Variants in ERBB4 observed in about 807,000 individuals in gnomAD.
ERBB4 encodes receptor tyrosine-protein kinase erbB-4.
In ERBB4, 42 loss-of-function variants were observed where a neutral mutation model predicts 158.0. The ratio of observed to expected loss-of-function variants is 0.27; its 90% CI spans 0.21 to 0.34. ERBB4 has a LOEUF of 0.34. Ranked by LOEUF, ERBB4 falls within the 10% of genes least tolerant of loss-of-function variation. The pLI, the probability that ERBB4 is intolerant of heterozygous loss-of-function variation, is 1.00. For missense variants in ERBB4, 1,333 were observed against 1,624.1 expected, an observed-to-expected ratio of 0.82 and a Z score of 3.08; for synonymous variants, 583 against 558.7, an observed-to-expected ratio of 1.04 and a Z score of -0.61.
chr2:212,076,852 A>C (rs753623862), intron 2 of ERBB4, among the ~76,000 whole-genome samples: 9 of 151,908 alleles, frequency 5.9e-5, no homozygotes, highest in Non-Finnish European at 1.3e-4. Flanking sequence ...AGAGAGTAAA[A>C]ATGCAAGCCA....
chr2:211,479,011 G>A (rs7571402), intron 20 of ERBB4, among the ~76,000 whole-genome samples: 24,497 of 152,002 alleles, frequency 0.16, 2,251 homozygotes, highest in Admixed American at 0.2. Context: ...CCTCCTGTAT[G>A]TATTCCATAC....
At chr2:212,275,244 T>C (rs1012799492) in intron 1 of ERBB4, among the ~76,000 whole-genome samples, 1 of 151,982 alleles carries the variant, frequency 6.6e-6, no homozygotes, top group Non-Finnish European at 1.5e-5. Context: ...CGTGTGTATG[T>C]CTCTTTATAG....
chr2:212,447,202 T>C (rs1019242981), intron 1 of ERBB4, among the ~76,000 whole-genome samples: 3 of 151,964 alleles, frequency 2.0e-5, no homozygotes, highest in Non-Finnish European at 4.4e-5. Flanking sequence ...TTTCATTGTG[T>C]TAGCCAGGAT....
chr2:211,594,546 G>C (rs2068576132), intron 19 of ERBB4, among the ~76,000 whole-genome samples: 1 of 151,590 alleles, frequency 6.6e-6, no homozygotes, highest in African/African-American at 2.4e-5. Context: ...ATGTTTATTT[G>C]ATGCCATAGC....
At chr2:212,211,794 T>G (rs1465705012) in intron 1 of ERBB4, among the ~76,000 whole-genome samples, 1 of 152,068 alleles carries the variant, frequency 6.6e-6, no homozygotes, top group African/African-American at 2.4e-5. Flanking sequence ...GTGTTCTCAC[T>G]TATGAGTGAG....
At chr2:211,443,840 T>C (rs535894308) in intron 20 of ERBB4, among the ~76,000 whole-genome samples, 118 of 152,224 alleles carry the variant, frequency 7.8e-4, no homozygotes, top group Non-Finnish European at 1.2e-3. Context: ...AATGACTGTA[T>C]GTAAAATTCT....
intron 2 of ERBB4, among the ~76,000 whole-genome samples, chr2:211,956,109 T>A (rs1004782945): frequency 9.9e-5 from 15 of 151,950 alleles, no homozygotes; most frequent in African/African-American, 3.4e-4. Context: ...ATTTTGAAGC[T>A]TGTATTTCAA....
intron 15 of ERBB4, among the ~76,000 whole-genome samples, chr2:211,659,721 C>T (rs899947073): frequency 6.6e-6 from 1 of 151,968 alleles, no homozygotes; most frequent in Non-Finnish European, 1.5e-5. Context: ...TGTTACATGT[C>T]TACTAAGTGT....
chr2:211,736,644 G>A (rs2074611142), intron 5 of ERBB4, among the ~76,000 whole-genome samples: 1 of 152,120 alleles, frequency 6.6e-6, no homozygotes, highest in Non-Finnish European at 1.5e-5. Context: ...TAGGATTCTA[G>A]AGGATATGGA....
At chr2:211,634,116 T>G (rs1382453866) in intron 16 of ERBB4, among the ~76,000 whole-genome samples, 1 of 152,260 alleles carries the variant, frequency 6.6e-6, no homozygotes, top group Non-Finnish European at 1.5e-5. Context: ...TATTTTCTAA[T>G]TTTTTATGAT....
At chr2:211,937,676 G>A (rs146535323) in intron 3 of ERBB4, among the ~76,000 whole-genome samples, 1 of 152,054 alleles carries the variant, frequency 6.6e-6, no homozygotes, top group Non-Finnish European at 1.5e-5. Context: ...CCAGAGAAGG[G>A]GGAAGCCCCT....
chr2:212,044,084 G>C (rs1342270025), intron 2 of ERBB4, among the ~76,000 whole-genome samples: 1 of 151,994 alleles, frequency 6.6e-6, no homozygotes, highest in Non-Finnish European at 1.5e-5. Context: ...TATTCTGAGT[G>C]CTTTATGTGC....
intron 1 of ERBB4, among the ~76,000 whole-genome samples, chr2:212,271,918 T>C (rs1260165459): frequency 6.6e-6 from 1 of 151,806 alleles, no homozygotes; most frequent in Non-Finnish European, 1.5e-5. Context: ...GTATTTTTCA[T>C]ATTTTAAAAT....
At chr2:211,841,737 G>A (rs950310264) in intron 3 of ERBB4, among the ~76,000 whole-genome samples, 2 of 151,868 alleles carry the variant, frequency 1.3e-5, no homozygotes, top group African/African-American at 4.8e-5. Flanking sequence ...GGCTTCCCTG[G>A]AATTCTCAAA....
At chr2:211,400,905 CTACT>C (rs750635783) in intron 25 of ERBB4, among the ~76,000 whole-genome samples, 2 of 151,764 alleles carry the variant, frequency 1.3e-5, no homozygotes, top group Non-Finnish European at 1.5e-5. Flanking sequence ...AAATATATAC[CTACT>C]ATGTACCCAC....
chr2:212,092,859 G>A (rs1486211503), intron 2 of ERBB4, among the ~76,000 whole-genome samples: 1 of 152,184 alleles, frequency 6.6e-6, no homozygotes, highest in African/African-American at 2.4e-5. Flanking sequence ...ACCTAATGCA[G>A]ATGATGAGTT....
At chr2:211,476,015 G>A (rs13030346) in intron 20 of ERBB4, among the ~76,000 whole-genome samples, 27,085 of 151,788 alleles carry the variant, frequency 0.18, 2,551 homozygotes, top group Admixed American at 0.21. Context: ...AAAATATTAC[G>A]ATCACCATAA....
chr2:211,711,964 A>AGT, intron 9 of ERBB4, 86 bp downstream of exon 9: 1 of 1,178,322 alleles, frequency 8.5e-7, no homozygotes, highest in Non-Finnish European at 1.3e-6. Flanking sequence ...TTCAGCTTCC[A>AGT]GAGGAATCAA....
intron 2 of ERBB4, among the ~76,000 whole-genome samples, chr2:211,997,748 C>A (rs2082233734): frequency 6.6e-6 from 1 of 151,974 alleles, no homozygotes; most frequent in Admixed American, 6.6e-5. Context: ...ACAGAAAAAA[C>A]CATGTTGACT....
Sources: gnomAD v4.1 joint callset for allele counts (sites outside exome capture counted in the v4.1 genomes callset) on GRCh38, gnomAD v4.1.1 for gene constraint, MANE v1.5 for transcripts, NCBI Gene and HGNC (gene_info 2026-07-23, HGNC 2026-07-21) for gene names.